TTC6: variants seen among roughly 807,000 people sequenced by gnomAD.
TTC6 encodes the protein tetratricopeptide repeat protein 6.
Under a neutral mutation model 210.4 loss-of-function variants are expected in TTC6, and 172 were observed. The observed-to-expected ratio is 0.82, with a 90% confidence interval of 0.72 to 0.93. TTC6 has a LOEUF of 0.93. Among genes scored for constraint, TTC6 ranks in the 40% least tolerant of loss-of-function variants. The probability of loss-of-function intolerance (pLI) is 0.00; values close to 1 mark genes in which losing one functional copy is unlikely to be tolerated. For synonymous variants in TTC6, 804 were observed against 819.6 expected (o/e 0.98, Z 0.32); for missense variants, 2,414 against 2,318.1 (o/e 1.04, Z -0.85).
intron 17 of TTC6, 57 bp downstream of exon 19, chr14:37,792,471 T>A (rs1413749709): frequency 7.5e-7 from 1 of 1,337,812 alleles, no homozygotes; most frequent in East Asian, 2.6e-5. Context: ...TTCTGGATAT[T>A]TGTTCAACAT....
intron 1 of TTC6, among the ~76,000 whole-genome samples, chr14:37,637,275 A>G (rs1265792773): frequency 6.6e-6 from 1 of 152,260 alleles, no homozygotes; most frequent in Non-Finnish European, 1.5e-5. Flanking sequence ...TAGACTTGAC[A>G]CCAAATGTCT....
chr14:37,740,280 G>A (rs961079728), intron 10 of TTC6, among the ~76,000 whole-genome samples: 12 of 151,698 alleles, frequency 7.9e-5, no homozygotes, highest in African/African-American at 2.7e-4. Context: ...TTAAAATTAT[G>A]TAGGGACCTG....
At chr14:37,773,882 T>C (rs370264749) in intron 14 of TTC6, among the ~76,000 whole-genome samples, 1 of 152,242 alleles carries the variant, frequency 6.6e-6, no homozygotes, top group Non-Finnish European at 1.5e-5. Flanking sequence ...ATTCTTTCTA[T>C]CCATGAGCAT....
At chr14:37,757,443 T>A (rs2139076741) in intron 14 of TTC6, among the ~76,000 whole-genome samples, 1 of 151,974 alleles carries the variant, frequency 6.6e-6, no homozygotes, top group South Asian at 2.1e-4. Flanking sequence ...TATTTTTATT[T>A]TTTGTATTTT....
intron 14 of TTC6, among the ~76,000 whole-genome samples, chr14:37,785,040 T>G (rs1385635706): frequency 6.6e-6 from 1 of 152,228 alleles, no homozygotes; most frequent in Non-Finnish European, 1.5e-5. Flanking sequence ...ACTTTCTCTT[T>G]GGCTGCACTT....
At chr14:37,800,369 T>C (rs2139383768) in intron 20 of TTC6, among the ~76,000 whole-genome samples, 1 of 152,332 alleles carries the variant, frequency 6.6e-6, no homozygotes, top group African/African-American at 2.4e-5. Context: ...GCCAGCTTTC[T>C]TTTTGCTTCT....
At chr14:37,754,484 G>GTA (rs2095961785) in intron 14 of TTC6, among the ~76,000 whole-genome samples, 1 of 151,606 alleles carries the variant, frequency 6.6e-6, no homozygotes. Context: ...CCAGACTGGA[G>GTA]TGCGATGGCA....
At chr14:37,725,613 G>T (rs746283912) in intron 7 of TTC6, among the ~76,000 whole-genome samples, 1 of 151,656 alleles carries the variant, frequency 6.6e-6, no homozygotes, top group Non-Finnish European at 1.5e-5. Context: ...GTCTCCCAAA[G>T]TGCTGGGATT....
upstream of TTC6, among the ~76,000 whole-genome samples, chr14:37,619,067 G>C (rs1332617048): frequency 6.6e-6 from 1 of 152,150 alleles, no homozygotes; most frequent in Admixed American, 6.5e-5. Context: ...TACTATGCGG[G>C]GCGGGGGGAT....
intron 1 of TTC6, among the ~76,000 whole-genome samples, chr14:37,644,287 A>T (rs1395213454): frequency 6.6e-6 from 1 of 152,314 alleles, no homozygotes; most frequent in Non-Finnish European, 1.5e-5. Context: ...ATGCAATACC[A>T]ATGTGGTGTT....
chr14:37,774,941 A>G (rs2096032453), intron 14 of TTC6, among the ~76,000 whole-genome samples: 1 of 152,088 alleles, frequency 6.6e-6, no homozygotes. Flanking sequence ...TTCAGGGTCA[A>G]TTTGTTCCTA....
intron 14 of TTC6, among the ~76,000 whole-genome samples, chr14:37,766,261 A>G (rs2099001272): frequency 6.6e-6 from 1 of 152,132 alleles, no homozygotes; most frequent in African/African-American, 2.4e-5. Context: ...CATTTATGAT[A>G]TAGGTAAATT....
At chr14:37,631,935 G>A (rs1248456364) in intron 1 of TTC6, among the ~76,000 whole-genome samples, 1 of 152,044 alleles carries the variant, frequency 6.6e-6, no homozygotes, top group Non-Finnish European at 1.5e-5. Flanking sequence ...GCTTCATGAA[G>A]TTCTCGTGTT....
At chr14:37,666,526 T>G (rs2095748476) in intron 1 of TTC6, among the ~76,000 whole-genome samples, 1 of 150,060 alleles carries the variant, frequency 6.7e-6, no homozygotes, top group Non-Finnish European at 1.5e-5. Flanking sequence ...CATAGCAGTT[T>G]CCTGGAGCGA....
At chr14:37,610,130 G>A (rs966186887) in intron 2 of TTC6, among the ~76,000 whole-genome samples, 7 of 152,200 alleles carry the variant, frequency 4.6e-5, no homozygotes, top group African/African-American at 1.7e-4. Flanking sequence ...AAAGCTGTGT[G>A]TCCCAGGCTG....
chr14:37,818,007 A>G (rs1237465962), intron 26 of TTC6, among the ~76,000 whole-genome samples: 1 of 152,166 alleles, frequency 6.6e-6, no homozygotes, highest in Non-Finnish European at 1.5e-5. Context: ...AGCATAAAAT[A>G]ATTTATTTTG....
chr14:37,793,542 C>T (rs1424673061), intron 17 of TTC6, among the ~76,000 whole-genome samples: 1 of 152,130 alleles, frequency 6.6e-6, no homozygotes, highest in Non-Finnish European at 1.5e-5. Flanking sequence ...GAGGTAGGGA[C>T]CTAGGGCAGG....
chr14:37,756,001 C>CA (rs1174054963), intron 14 of TTC6, among the ~76,000 whole-genome samples: 2 of 152,090 alleles, frequency 1.3e-5, no homozygotes, highest in Non-Finnish European at 2.9e-5. Flanking sequence ...AATGTTTTGC[C>CA]ATTTGTTTGT....
intron 20 of TTC6, among the ~76,000 whole-genome samples, chr14:37,801,941 A>T (rs1235890711): frequency 6.6e-6 from 1 of 152,240 alleles, no homozygotes; most frequent in Admixed American, 6.5e-5. Context: ...AGATACATGC[A>T]TGTGTATGTT....
Sources: gnomAD v4.1 joint callset for allele counts (sites outside exome capture counted in the v4.1 genomes callset) on GRCh38, gnomAD v4.1.1 for gene constraint, MANE v1.5 for transcripts, NCBI Gene and HGNC (gene_info 2026-07-23, HGNC 2026-07-21) for gene names.